ADGRG1: variants seen among roughly 807,000 people sequenced by gnomAD.
ADGRG1 encodes adhesion G protein-coupled receptor G1, also known as 7-transmembrane protein with no EGF-like N-terminal domains-1.
Under a neutral mutation model 73.5 loss-of-function variants are expected in ADGRG1, and 53 were observed. That is an observed-to-expected ratio of 0.72 (90% confidence interval 0.58 to 0.91). The LOEUF is 0.91. Among genes scored for constraint, ADGRG1 ranks in the 40% least tolerant of loss-of-function variants. The probability of loss-of-function intolerance (pLI) is 0.00; values close to 1 mark genes in which losing one functional copy is unlikely to be tolerated. For missense variants in ADGRG1, 795 were observed against 871.8 expected (o/e 0.91, Z 1.11); for synonymous variants, 394 against 374.4 (o/e 1.05, Z -0.60).
intron 1 of ADGRG1, chr16:57,637,365 T>G (rs2039617908): frequency 1.0e-6 from 1 of 984,946 alleles, no homozygotes; most frequent in African/African-American, 1.7e-5. Context: ...GTTTAGGGAC[T>G]ATGGGTGGGG....
rs144561715 is a variant in ADGRG1 at position 57,651,349 on chromosome 16, C to T, written c.214C>T (p.Pro72Ser). Residue 72 changes from proline to serine, a missense_variant, in exon 3 of 14, where the codon CCT becomes TCT. Transcript: ENST00000562631. ...GGCCCTCACAGTCCATGCCCCTTTCCCTGCAGCCCACCCTGCTTCCCGATC... is the reference window on the plus strand; with the variant it reads ...GGCCCTCACAGTCCATGCCCCTTTCTCTGCAGCCCACCCTGCTTCCCGATC... ...EEALTVHAPF[P>S]AAHPASRSFP... The T allele has an allele frequency of 5.0e-4, 812 of 1,614,114 alleles. 1 individual carries two copies. Among genetic ancestry groups the T allele is most frequent in the Non-Finnish European group, 5.7e-4 (673 of 1,180,042 alleles).
chr16:57,656,713 A>T, intron 9 of ADGRG1, 96 bp downstream of exon 9: 1 of 811,786 alleles, frequency 1.2e-6, no homozygotes, highest in East Asian at 2.4e-5. Context: ...ATTCCTCATA[A>T]CAGCTCTCCA....
chr16:57,624,331 C>G (rs865830586), upstream of ADGRG1: 11 of 170,690 alleles, frequency 6.4e-5, no homozygotes, highest in Middle Eastern at 2.7e-3. Context: ...AAGACCCTGT[C>G]TCTCCAAAAA....
At chr16:57,628,980 G>A (rs1172820974) in intron 1 of ADGRG1, 178 bp downstream of exon 1, 1 of 323,406 alleles carries the variant, frequency 3.1e-6, no homozygotes, top group South Asian at 1.2e-4. Context: ...GTGTGTGAGA[G>A]TGAGTGAGAA....
At chr16:57,653,108 A>C in intron 3 of ADGRG1, 95 bp from the exon 4 acceptor site, 1 of 1,594,140 alleles carries the variant, frequency 6.3e-7, no homozygotes, top group South Asian at 1.1e-5. Context: ...AGATCGAGGC[A>C]TTCAGAGTCA....
chr16:57,623,188 C>T (rs2035189921), upstream of ADGRG1: 6 of 984,340 alleles, frequency 6.1e-6, no homozygotes, highest in African/African-American at 1.7e-5. Flanking sequence ...CTGCCTAGCA[C>T]AGGATAAGTG....
chr16:57,655,368 A>G (rs779791364), intron 5 of ADGRG1, 31 bp from the exon 6 acceptor site: 6 of 1,610,304 alleles, frequency 3.7e-6, no homozygotes, highest in Non-Finnish European at 5.1e-6. Flanking sequence ...AGGGGTCCGC[A>G]TTTGGCTGAG....
chr16:57,631,733 G>A (rs1201527885), intron 1 of ADGRG1: 2 of 985,302 alleles, frequency 2.0e-6, no homozygotes, highest in Non-Finnish European at 2.4e-6. Flanking sequence ...ACCGGGTGGG[G>A]CGGGGCTGTG....
Position 57,655,987 on chromosome 16 carries a change from C to T in ADGRG1, c.1012C>T (p.Gln338Ter). Residue 338 changes from glutamine (Q) to a stop codon, truncating the protein, a stop_gained, in exon 7 of 14, where the codon CAG becomes TAG. Coordinates refer to ENST00000562631, the MANE Select transcript of ADGRG1 (RefSeq NM_201525.4). LOFTEE classifies it high-confidence loss of function. ...PVVLTFQHQL[Q>*]PKNVTLQCVF... ...GGTGCTCACTTTCCAGCACCAGCTACAGCCGGTGAGTGGGGGCCAGCCATC... is the reference window on the plus strand; with the variant it reads ...GGTGCTCACTTTCCAGCACCAGCTATAGCCGGTGAGTGGGGGCCAGCCATC... 1.2e-6 allele frequency: 2 copies of T among 1,613,986 alleles called. No individual in the cohort carries two copies. The highest frequency in any genetic ancestry group is 1.7e-6 in the Non-Finnish European group (2 of 1,179,970).
upstream of ADGRG1, chr16:57,622,752 C>T (rs1447494098): frequency 1.4e-5 from 14 of 984,932 alleles, no homozygotes; most frequent in South Asian, 2.8e-4. Context: ...TCAGACATTC[C>T]GTCATGCTTA....
intron 1 of ADGRG1, chr16:57,648,772 C>T (rs1315149773): frequency 2.1e-6 from 2 of 932,432 alleles, no homozygotes; most frequent in East Asian, 1.2e-4. Context: ...TCTGTGAGCA[C>T]CCAGCTCTGC....
intron 2 of ADGRG1, 117 bp downstream of exon 2, chr16:57,650,468 G>T: frequency 6.3e-7 from 1 of 1,581,158 alleles, no homozygotes; most frequent in Non-Finnish European, 8.6e-7. Flanking sequence ...TCGGCTAGTG[G>T]AGGGTACCTT....
intron 9 of ADGRG1, 40 bp downstream of exon 9, chr16:57,656,657 C>A: frequency 8.3e-7 from 1 of 1,206,104 alleles, no homozygotes; most frequent in Non-Finnish European, 1.2e-6. Flanking sequence ...ACACCCCAGG[C>A]CGTGTGCTTG....
rs2038813001 is a variant in ADGRG1, at chr16:57,634,343, C to G, written c.-36+5541C>G. 1.6e-5 allele frequency: 16 copies of G among 985,398 alleles called. No individual in the cohort carries two copies. In the South Asian group the frequency reaches 6.1e-4, roughly 38 times the overall value. The allele number at this position is 985,398 out of a possible 1,614,324, so 61.0% of individuals were successfully genotyped here. A position where few individuals can be genotyped will look rare whatever the true frequency, so the allele number is the denominator to read the frequency against. On this transcript the variant is annotated intron_variant, in intron 1 of 13. Transcript: ENST00000562631. ...GGTGAGCCCAAGGGGCTGGCAGGGGCCCCTGAGTCATGCTCAGCCCTGTGC... is the reference window on the plus strand; with the variant it reads ...GGTGAGCCCAAGGGGCTGGCAGGGGGCCCTGAGTCATGCTCAGCCCTGTGC...
At chr16:57,660,536 C>T (rs758610042) in intron 11 of ADGRG1, 163 of 738,812 alleles carry the variant, frequency 2.2e-4, no homozygotes, top group South Asian at 6.7e-4. Context: ...CCCAGGGTGA[C>T]GAAGGGCAGG....
chr16:57,648,911 T>C (rs1371301521), intron 1 of ADGRG1, among the ~76,000 whole-genome samples: 3 of 152,228 alleles, frequency 2.0e-5, no homozygotes, highest in Non-Finnish European at 1.5e-5. Context: ...GGGAGCATTT[T>C]TGGGCAAGTC....
intron 1 of ADGRG1, among the ~76,000 whole-genome samples, chr16:57,649,755 A>G (rs1254451208): frequency 6.6e-6 from 1 of 151,298 alleles, no homozygotes; most frequent in Non-Finnish European, 1.5e-5. Context: ...ACTGGAACTC[A>G]GCTGGACTCT....
At position 57,660,846 on chromosome 16, in the gene ADGRG1, G is replaced by A; in HGVS notation, c.1634G>A (p.Arg545Lys). 1 of 1,606,908 alleles carries A rather than the reference G, an allele frequency of 6.2e-7. No individual in the cohort carries two copies. Among genetic ancestry groups the A allele is most frequent in the Non-Finnish European group, 8.5e-7 (1 of 1,173,480 alleles). ...NYGPIILAVHRTPEGVIYPSM... is the reference protein window; with the variant it reads ...NYGPIILAVHKTPEGVIYPSM... ...GGCCCCATCATCTTGGCTGTGCATA[G>A]GACTCCAGAGGGCGTCATCTACCCT... is the stretch of plus-strand genomic sequence containing the variant. The change falls in exon 12 of 14, where the codon AGG becomes AAG. Residue 545 changes from arginine (R) to lysine (K), a missense_variant. Coordinates refer to ENST00000562631, the MANE Select transcript of ADGRG1 (RefSeq NM_201525.4).
rs766919891 is a variant in ADGRG1 at position 57,657,524 on chromosome 16, GA to G, written c.1286+34del. The G allele has an allele frequency of 4.0e-6, 6 of 1,496,922 alleles. No individual in the cohort carries two copies. The South Asian group carries it at 6.8e-5, about 17-fold the overall frequency. 92.7% of individuals were successfully genotyped at this position (1,496,922 alleles called of 1,614,324 possible). ...CTGAAAGGGGTGGGACAGGGGAGGG[GA>G]CCCTCCATTGCACACACCTCCACCA... On this transcript the variant is annotated intron_variant, in intron 10 of 13. Coordinates refer to ENST00000562631, the MANE Select transcript of ADGRG1 (RefSeq NM_201525.4).
Sources: gnomAD v4.1 joint callset for allele counts (sites outside exome capture counted in the v4.1 genomes callset) on GRCh38, gnomAD v4.1.1 for gene constraint, MANE v1.5 for transcripts, NCBI Gene and HGNC (gene_info 2026-07-23, HGNC 2026-07-21) for gene names.